Variants in PTPRD observed in about 807,000 individuals in gnomAD.
The protein encoded by PTPRD is protein tyrosine phosphatase receptor type D.
In PTPRD, 34 loss-of-function variants were observed where a neutral mutation model predicts 214.5. That is an observed-to-expected ratio of 0.16 (90% CI 0.12 to 0.21). PTPRD has a LOEUF of 0.21. Among genes scored for constraint, PTPRD ranks in the 10% least tolerant of loss-of-function variants. PTPRD has a pLI of 1.00. For synonymous variants in PTPRD, 1,128 were observed against 845.7 expected (o/e 1.33, Z -5.79); for missense variants, 2,545 against 2,398.7 (o/e 1.06, Z -1.27).
At chr9:9,903,262 A>G (rs1415314001) in intron 5 of PTPRD, among the ~76,000 whole-genome samples, 4 of 151,898 alleles carry the variant, frequency 2.6e-5, no homozygotes, top group African/African-American at 9.7e-5. Context: ...TTAATTTTTT[A>G]TTTTCTAATA....
chr9:9,964,310 T>A (rs1370493213), intron 4 of PTPRD, among the ~76,000 whole-genome samples: 6 of 152,192 alleles, frequency 3.9e-5, no homozygotes, highest in Non-Finnish European at 7.3e-5. Flanking sequence ...AGAAATACGT[T>A]CTCTACTTTA....
intron 9 of PTPRD, among the ~76,000 whole-genome samples, chr9:9,207,557 G>T (rs1216111626): frequency 6.6e-6 from 1 of 152,112 alleles, no homozygotes; most frequent in African/African-American, 2.4e-5. Context: ...GTCGAGCTTT[G>T]TAAAAATCAA....
intron 2 of PTPRD, among the ~76,000 whole-genome samples, chr9:10,517,271 A>G (rs1387160867): frequency 6.6e-6 from 1 of 151,912 alleles, no homozygotes; most frequent in Non-Finnish European, 1.5e-5. Context: ...TCAGTGTACA[A>G]GTTTCTTACC....
intron 5 of PTPRD, among the ~76,000 whole-genome samples, chr9:9,866,293 A>ATAAT (rs150523437): frequency 0.085 from 12,899 of 152,188 alleles, 1,295 homozygotes; most frequent in African/African-American, 0.25. Context: ...AGTGAATTAC[A>ATAAT]TAGAAAAGTA....
chr9:8,438,749 T>G (rs1464872621), intron 34 of PTPRD: 2 of 151,766 alleles, frequency 1.3e-5, no homozygotes, highest in Admixed American at 6.6e-5. Context: ...ATGGACTGAG[T>G]GGTGGTTTGG....
At chr9:10,455,268 T>C (rs1385216065) in intron 2 of PTPRD, among the ~76,000 whole-genome samples, 1 of 151,704 alleles carries the variant, frequency 6.6e-6, no homozygotes, top group East Asian at 1.9e-4. Context: ...ATTCCCATTG[T>C]TCTGCTTTTA....
chr9:10,265,637 A>G (rs1295461341), intron 3 of PTPRD, among the ~76,000 whole-genome samples: 1 of 152,218 alleles, frequency 6.6e-6, no homozygotes, highest in Non-Finnish European at 1.5e-5. Context: ...GCCACAGACA[A>G]CAAGTAAATA....
At chr9:10,536,316 A>G (rs2135027674) in intron 2 of PTPRD, among the ~76,000 whole-genome samples, 1 of 152,244 alleles carries the variant, frequency 6.6e-6, no homozygotes, top group Non-Finnish European at 1.5e-5. Flanking sequence ...TTCTCTTGTA[A>G]GTCACAGAAT....
intron 11 of PTPRD, among the ~76,000 whole-genome samples, chr9:8,820,407 G>C (rs2097028292): frequency 6.6e-6 from 1 of 151,958 alleles, no homozygotes; most frequent in African/African-American, 2.4e-5. Context: ...TTATTGAAGA[G>C]AGTATATTTA....
chr9:10,396,189 G>A (rs938391343), intron 2 of PTPRD, among the ~76,000 whole-genome samples: 3 of 151,916 alleles, frequency 2.0e-5, no homozygotes, highest in African/African-American at 7.2e-5. Flanking sequence ...ACTTACAAAT[G>A]ATAATTTTAG....
At chr9:8,564,117 G>A (rs774668818) in intron 14 of PTPRD, among the ~76,000 whole-genome samples, 3 of 151,946 alleles carry the variant, frequency 2.0e-5, no homozygotes, top group African/African-American at 7.3e-5. Flanking sequence ...AGCTGTAACT[G>A]CCAGTCAGCC....
intron 11 of PTPRD, among the ~76,000 whole-genome samples, chr9:8,881,671 G>A (rs1330904621): frequency 6.6e-6 from 1 of 152,106 alleles, no homozygotes; most frequent in East Asian, 1.9e-4. Context: ...GGCCATTGGA[G>A]ACAGAGTTTT....
chr9:9,328,528 T>C (rs902679468), intron 9 of PTPRD, among the ~76,000 whole-genome samples: 5 of 151,682 alleles, frequency 3.3e-5, no homozygotes, highest in Non-Finnish European at 4.4e-5. Flanking sequence ...CAATTTAGCA[T>C]ATGTGTTTAT....
At chr9:8,661,238 G>A (rs1186922147) in intron 12 of PTPRD, among the ~76,000 whole-genome samples, 2 of 152,068 alleles carry the variant, frequency 1.3e-5, no homozygotes, top group African/African-American at 2.4e-5. Flanking sequence ...ATAATGGTCA[G>A]AGAAAATCCT....
At chr9:9,244,049 G>C (rs969057996) in intron 9 of PTPRD, among the ~76,000 whole-genome samples, 21 of 152,228 alleles carry the variant, frequency 1.4e-4, no homozygotes, top group Non-Finnish European at 2.9e-5. Flanking sequence ...GCTTCAAAGA[G>C]AATAAAATAC....
At chr9:9,174,299 T>C (rs2099923291) in intron 10 of PTPRD, among the ~76,000 whole-genome samples, 1 of 152,142 alleles carries the variant, frequency 6.6e-6, no homozygotes, top group Non-Finnish European at 1.5e-5. Flanking sequence ...TTAATAAATA[T>C]TCAATAAATA....
chr9:9,330,308 A>AT (rs2041834413), intron 9 of PTPRD, among the ~76,000 whole-genome samples: 1 of 152,092 alleles, frequency 6.6e-6, no homozygotes, highest in African/African-American at 2.4e-5. Flanking sequence ...AAAAAGTTAA[A>AT]TTTTAAGAAC....
At chr9:9,218,527 A>G (rs2099953751) in intron 9 of PTPRD, among the ~76,000 whole-genome samples, 2 of 152,166 alleles carry the variant, frequency 1.3e-5, no homozygotes, top group Admixed American at 6.6e-5. Flanking sequence ...TTTTAGGTAC[A>G]GAAAGGACAC....
intron 8 of PTPRD, among the ~76,000 whole-genome samples, chr9:9,409,104 G>A (rs1310352153): frequency 1.3e-5 from 2 of 151,860 alleles, no homozygotes; most frequent in South Asian, 2.1e-4. Flanking sequence ...AAAGATAGAT[G>A]AGTAATATTC....
Sources: gnomAD v4.1 joint callset for allele counts (sites outside exome capture counted in the v4.1 genomes callset) on GRCh38, gnomAD v4.1.1 for gene constraint, MANE v1.5 for transcripts, NCBI Gene and HGNC (gene_info 2026-07-23, HGNC 2026-07-21) for gene names.